TBC1D3B: variants seen among roughly 807,000 people sequenced by gnomAD.
The protein encoded by TBC1D3B is TBC1 domain family member 3B.
A neutral mutation model predicts 27.1 loss-of-function variants in TBC1D3B; 2 were observed. The ratio of observed to expected loss-of-function variants is 0.07; its 90% CI spans 0.03 to 0.23. The LOEUF is 0.23. Among genes scored for constraint, TBC1D3B ranks in the 10% least tolerant of loss-of-function variants. The pLI is 1.00. For synonymous variants in TBC1D3B, 3 were observed against 150.1 expected, an observed-to-expected ratio of 0.02 and a Z score of 7.16; for missense variants, 17 against 401.3, an observed-to-expected ratio of 0.04 and a Z score of 8.18.
intron 11 of TBC1D3B, among the ~76,000 whole-genome samples, 176 bp downstream of exon 11, chr17:36,168,454 C>T (rs1461617809): frequency 1.0e-4 from 6 of 59,552 alleles, no homozygotes; most frequent in African/African-American, 2.9e-4. Flanking sequence ...TGGGCCTGAG[C>T]CCCAGCCATT....
chr17:36,169,578 G>A (rs2068319731), intron 9 of TBC1D3B, among the ~76,000 whole-genome samples: 1 of 145,128 alleles, frequency 6.9e-6, no homozygotes, highest in Non-Finnish European at 1.6e-5. Flanking sequence ...CCGGGCAGCT[G>A]GAGGGCAGGA....
intron 7 of TBC1D3B, among the ~76,000 whole-genome samples, chr17:36,171,254 T>C (rs1341023889): frequency 1.3e-5 from 2 of 150,796 alleles, no homozygotes; most frequent in African/African-American, 4.8e-5. Flanking sequence ...TTGAAGGCCG[T>C]CCCCGAAGGC....
Position 36,165,880 on chromosome 17 carries a change from C to T in TBC1D3B, c.*115G>A. 4 of 967,894 alleles carry T rather than the reference C, an allele frequency of 4.1e-6. No individual in the cohort carries two copies. The highest frequency in any genetic ancestry group is 2.0e-5 in the Admixed American group (1 of 49,908). The allele number at this position is 967,894 out of a possible 1,614,324, so 60.0% of individuals were successfully genotyped here. ...ATCTCTGAATGTCTCTCAAGCTGCACTCTTTCTTAATACATATTCATAAGT... is the reference window on the plus strand; with the variant it reads ...ATCTCTGAATGTCTCTCAAGCTGCATTCTTTCTTAATACATATTCATAAGT... On this transcript the variant is annotated 3_prime_UTR_variant, in exon 14 of 14. Transcript: ENST00000611257.
chr17:36,175,101 G>A, intron 1 of TBC1D3B, 50 bp from the exon 2 acceptor site: 2 of 517,644 alleles, frequency 3.9e-6, no homozygotes, highest in East Asian at 4.3e-5. Context: ...CGGCTTCGGA[G>A]AACACCTGAA....
At chr17:36,172,786 C>CA (rs1161178602) in intron 5 of TBC1D3B, 59 bp downstream of exon 5, 40,842 of 303,534 alleles carry the variant, frequency 0.13, 2 homozygotes, top group African/African-American at 0.24. Context: ...TGCCAGGCCA[C>CA]AGCCATGGGT....
At chr17:36,168,303 G>A in intron 11 of TBC1D3B, 137 bp from the exon 12 acceptor site, 1 of 251,810 alleles carries the variant, frequency 4.0e-6, no homozygotes, top group Admixed American at 4.5e-5. Flanking sequence ...CAGGACGCTG[G>A]GTCAGACAAG....
intron 7 of TBC1D3B, among the ~76,000 whole-genome samples, chr17:36,171,340 G>C (rs1237353809): frequency 6.6e-6 from 1 of 151,254 alleles, no homozygotes; most frequent in African/African-American, 2.4e-5. Context: ...TTCCAAATCA[G>C]TGGGTTCAAT....
rs1475019076 is a variant in TBC1D3B, at chr17:36,169,077, C to T, written c.762+3G>A. 3.7e-6 allele frequency: 6 copies of T among 1,606,014 alleles called. No homozygotes were observed. Among genetic ancestry groups the T allele is most frequent in the Non-Finnish European group, 5.1e-6 (6 of 1,174,564 alleles). On this transcript the variant is annotated splice_donor_region_variant and intron_variant, in intron 10 of 13. Transcript: ENST00000611257. ...GGAAGAGCTGAGGGGACCATAAACT[C>T]ACCTGATGCCCCATGGTCTTGGATT...
At chr17:36,169,553 G>A (rs1216594090) in intron 9 of TBC1D3B, among the ~76,000 whole-genome samples, 1 of 147,734 alleles carries the variant, frequency 6.8e-6, no homozygotes, top group Non-Finnish European at 1.5e-5. Flanking sequence ...CGTGGGCACC[G>A]ATGGCAGCAG....
chr17:36,168,515 G>C lies in TBC1D3B; in HGVS notation c.828+115C>G. The C allele has an allele frequency of 5.6e-6, 2 of 359,366 alleles. 1 individual carries two copies. Among genetic ancestry groups the C allele is most frequent in the Non-Finnish European group, 1.1e-5 (2 of 180,432 alleles). 22.3% of individuals were successfully genotyped at this position (359,366 alleles called of 1,614,324 possible). A position where few individuals can be genotyped will look rare whatever the true frequency, so the allele number is the denominator to read the frequency against. On this transcript the variant is annotated intron_variant, in intron 11 of 13. Transcript: ENST00000611257. The stretch of plus-strand genomic sequence containing the variant: ...GAGGGTTTTGCTTGTGTGTCCTTTG[G>C]GGACCCGCCTGAGCCTCCTGTGGGC...
chr17:36,169,380 C>T (rs2068313126), intron 9 of TBC1D3B, among the ~76,000 whole-genome samples: 1 of 149,244 alleles, frequency 6.7e-6, no homozygotes, highest in African/African-American at 2.4e-5. Flanking sequence ...CCCTGGAGGC[C>T]TCCTGGGCCA....
In TBC1D3B at chr17:36,165,840, G is replaced by A. The variant is rs2142158771; in HGVS notation, c.*155C>T. On this transcript the variant is annotated 3_prime_UTR_variant, in exon 14 of 14. Coordinates refer to ENST00000611257, the MANE Select transcript of TBC1D3B (RefSeq NM_001001417.7). Reference sequence around the variant, plus strand: ...GGGCATGGTTGGCTTTGTGATCTGGGGTCTGGTGTGTTCCATCTCTGAATG... The same window carrying A: ...GGGCATGGTTGGCTTTGTGATCTGGAGTCTGGTGTGTTCCATCTCTGAATG... 2.1e-6 allele frequency: 2 copies of A among 954,264 alleles called. No homozygotes were observed. The highest frequency in any genetic ancestry group is 4.5e-5 in the East Asian group (2 of 44,570). The allele number at this position is 954,264 out of a possible 1,614,324, so 59.1% of individuals were successfully genotyped here.
At chr17:36,170,904 C>G (rs1267443359) in intron 7 of TBC1D3B, among the ~76,000 whole-genome samples, 42 of 90,326 alleles carry the variant, frequency 4.6e-4, no homozygotes, top group African/African-American at 9.7e-4. Flanking sequence ...TCCACGGTTC[C>G]AAACCAATGT....
At position 36,174,747 on chromosome 17, in the gene TBC1D3B, G is replaced by A; in HGVS notation, c.142C>T (p.His48Tyr). 1.3e-5 allele frequency: 4 copies of A among 310,620 alleles called. No homozygotes were observed. Among genetic ancestry groups the A allele is most frequent in the Non-Finnish European group, 2.4e-5 (4 of 163,462 alleles). 19.2% of individuals were successfully genotyped at this position (310,620 alleles called of 1,614,324 possible). Residue 48 changes from histidine (H) to tyrosine (Y), a missense_variant, in exon 3 of 14, where the codon CAT becomes TAT. Transcript: ENST00000611257. ...PFRSYNNNVD[H>Y]LGIVHETELP... is the part of the protein sequence containing the mutation. The stretch of plus-strand genomic sequence containing the variant: ...AGGACTCACTGTACAATCCCCAAAT[G>A]ATCGACGTTGTTGTTGTAGCTTCGA...
Position 36,172,799 on chromosome 17 carries a change from CT to C in TBC1D3B, c.279+45del, listed in dbSNP as rs1189955241. ...GGTGCCAGGCCACAGCCATGGGTGC[CT>C]GTCCCCTGTCTCTGCAGAGAGTGCT... is the stretch of plus-strand genomic sequence containing the variant. On this transcript the variant is annotated intron_variant, in intron 5 of 13. Transcript: ENST00000611257. The C allele has an allele frequency of 2.0e-4, 72 of 360,438 alleles. No homozygotes were observed. In the East Asian group the frequency reaches 2.0e-3, roughly 10 times the overall value. The allele number at this position is 360,438 out of a possible 1,614,324, so 22.3% of individuals were successfully genotyped here. A position where few individuals can be genotyped will look rare whatever the true frequency, so the allele number is the denominator to read the frequency against.
intron 7 of TBC1D3B, among the ~76,000 whole-genome samples, chr17:36,171,598 C>A (rs796565368): frequency 2.0e-5 from 3 of 147,330 alleles, no homozygotes; most frequent in African/African-American, 7.4e-5. Context: ...GCACCCTTCA[C>A]CATTGTGCAT....
intron 9 of TBC1D3B, 111 bp from the exon 10 acceptor site, chr17:36,169,285 A>C (rs1158793830): frequency 6.5e-7 from 1 of 1,548,924 alleles, no homozygotes; most frequent in Non-Finnish European, 8.9e-7. Context: ...GGCTACTCCC[A>C]CCCTCCCATC....
chr17:36,167,052 G>A lies in TBC1D3B; in HGVS notation c.1082-489C>T, dbSNP rs1435092948. On this transcript the variant is annotated intron_variant, in intron 13 of 13. Coordinates refer to ENST00000611257, the MANE Select transcript of TBC1D3B (RefSeq NM_001001417.7). ...ACTCTTGGCTCTGGCTCTGGGCCCG[G>A]GGTCCCGCCTGTGCCCTCTCCCTGA... Among the ~76,000 whole-genome samples, 5 of 105,528 alleles carry A rather than the reference G, an allele frequency of 4.7e-5. 1 individual carries two copies. Among genetic ancestry groups the A allele is most frequent in the African/African-American group, 1.3e-4 (5 of 39,152 alleles). The allele number at this position is 105,528 out of a possible 152,430, so 69.2% of individuals were successfully genotyped here. A position where few individuals can be genotyped will look rare whatever the true frequency, so the allele number is the denominator to read the frequency against.
Sources: allele counts gnomAD v4.1 joint callset (sites outside exome capture counted in the v4.1 genomes callset), GRCh38; gene constraint gnomAD v4.1.1; transcripts MANE v1.5; gene names NCBI Gene and HGNC (gene_info 2026-07-23, HGNC 2026-07-21).